The following PLXNA1 variants were observed in gnomAD, a reference collection of about 807,000 sequenced individuals.
The protein encoded by PLXNA1 is plexin A1, also known as plexin-A1.
In PLXNA1, 77 loss-of-function variants were observed where a neutral mutation model predicts 191.7. The observed-to-expected ratio is 0.40, with a 90% confidence interval of 0.33 to 0.49. The LOEUF (loss-of-function observed/expected upper bound fraction) is 0.49, where lower values mean the gene tolerates loss of function less well. Among genes scored for constraint, PLXNA1 ranks in the 20% least tolerant of loss-of-function variants. The probability of loss-of-function intolerance (pLI) is 0.63; values close to 1 mark genes in which losing one functional copy is unlikely to be tolerated. For synonymous variants in PLXNA1, 1,137 were observed against 1,156.4 expected (o/e 0.98, Z 0.34); for missense variants, 2,110 against 2,660.2 (o/e 0.79, Z 4.55).
intron 29 of PLXNA1, 21 bp from the exon 30 acceptor site, chr3:127,032,366 C>T (rs375824523): frequency 5.6e-5 from 90 of 1,610,376 alleles, no homozygotes; most frequent in Admixed American, 1.8e-4. Flanking sequence ...ATCTGAGCAG[C>T]GCCTGGACTC....
intron 17 of PLXNA1, 120 bp from the exon 18 acceptor site, chr3:127,017,305 G>GC (rs2079128577): frequency 7.1e-7 from 1 of 1,418,160 alleles, no homozygotes; most frequent in Non-Finnish European, 9.5e-7. Flanking sequence ...GACCAGCCCT[G>GC]CTAGTGCCTG....
chr3:127,016,962 G>T lies in PLXNA1; in HGVS notation c.3201G>T (p.Thr1067=), dbSNP rs144329892. The change falls in exon 17 of 32, where the codon ACG becomes ACT. Residue 1067 remains threonine, a synonymous_variant. Transcript: ENST00000393409. ...GTTCCAGCGGTGGGACCCTCCTGAC[G>T]GTCACAGGCACCAACCTGGCCACTG... ...WSINSGGTLL[T]VTGTNLATVR... The T allele has an allele frequency of 1.7e-5, 27 of 1,613,088 alleles. 1 individual carries two copies. In the Admixed American group the frequency reaches 1.8e-4, roughly 11 times the overall value.
Position 127,012,016 on chromosome 3 carries a change from C to A in PLXNA1, c.2171C>A (p.Pro724His). 5 of 1,613,726 alleles carry A rather than the reference C, an allele frequency of 3.1e-6. No individual in the cohort carries two copies. Among genetic ancestry groups the A allele is most frequent in the Non-Finnish European group, 4.2e-6 (5 of 1,180,034 alleles). The stretch of plus-strand genomic sequence containing the variant: ...TACGTGCCAGTGGGAGTGGTAAAAC[C>A]CATCACCCTGGCCGCACGGAACCTG... ...QIYVPVGVVK[P>H]ITLAARNLPQ... The change falls in exon 10 of 32, where the codon CCC becomes CAC. Residue 724 changes from proline (P) to histidine (H), a missense_variant. By Grantham distance (77) the Pro-to-His change is moderately conservative. Coordinates refer to ENST00000393409, the MANE Select transcript of PLXNA1 (RefSeq NM_032242.4).
chr3:127,008,649 C>A (rs2079080224), intron 9 of PLXNA1, among the ~76,000 whole-genome samples: 1 of 152,162 alleles, frequency 6.6e-6, no homozygotes, highest in Non-Finnish European at 1.5e-5. Flanking sequence ...CTTTCCTTTG[C>A]TGTGGACACT....
chr3:127,008,337 A>G (rs1159166392), intron 9 of PLXNA1, among the ~76,000 whole-genome samples: 1 of 152,116 alleles, frequency 6.6e-6, no homozygotes, highest in Non-Finnish European at 1.5e-5. Flanking sequence ...AGAGGCCTCC[A>G]TGTTGGGCAG....
intron 3 of PLXNA1, among the ~76,000 whole-genome samples, chr3:126,994,425 C>T (rs1469554223): frequency 3.3e-5 from 5 of 152,138 alleles, no homozygotes; most frequent in African/African-American, 1.2e-4. Context: ...CCCTAGTTAC[C>T]GTGGGACCTT....
chr3:127,014,699 G>C lies in PLXNA1; in HGVS notation c.2757-12G>C. ...GGGGCTCCTGCAGCCCCTGAGGCCC[G>C]CCTGCCCACAGGATCGTCTGTGAGA... On this transcript the variant is annotated splice_polypyrimidine_tract_variant and intron_variant, in intron 13 of 31. Transcript: ENST00000393409. 6.2e-7 allele frequency: 1 copy of C among 1,610,776 alleles called. No homozygotes were observed. Among genetic ancestry groups the C allele is most frequent in the South Asian group, 1.1e-5 (1 of 90,982 alleles).
intron 20 of PLXNA1, among the ~76,000 whole-genome samples, 197 bp downstream of exon 20, chr3:127,018,725 C>A (rs897107213): frequency 3.3e-5 from 5 of 152,226 alleles, no homozygotes; most frequent in Admixed American, 2.6e-4. Flanking sequence ...GCAGCAGGTA[C>A]CACCTCCTTG....
intron 3 of PLXNA1, among the ~76,000 whole-genome samples, chr3:126,994,398 G>T (rs992243185): frequency 5.3e-5 from 8 of 152,146 alleles, no homozygotes; most frequent in Non-Finnish European, 1.2e-4. Flanking sequence ...TGTTCCATCC[G>T]CTCTGCCTCC....
At position 127,028,438 on chromosome 3, in the gene PLXNA1, C is replaced by T. The variant is rs577924720; in HGVS notation, c.4669+98C>T. 327 of 1,348,222 alleles carry T rather than the reference C, an allele frequency of 2.4e-4. 3 individuals are homozygous for T. In the South Asian group the frequency reaches 4.4e-3, roughly 18 times the overall value. 83.5% of individuals were successfully genotyped at this position (1,348,222 alleles called of 1,614,324 possible). A position where few individuals can be genotyped will look rare whatever the true frequency, so the allele number is the denominator to read the frequency against. ...GCTTGGCGGGGAAGGCCAGGCCAGT[C>T]CTCCACACCAGGCTGGTCTGGAGGG... is the stretch of plus-strand genomic sequence containing the variant. On this transcript the variant is annotated intron_variant, in intron 25 of 31. Coordinates refer to ENST00000393409, the MANE Select transcript of PLXNA1 (RefSeq NM_032242.4).
Position 127,017,714 on chromosome 3 carries a change from C to T in PLXNA1, c.3517-35C>T, listed in dbSNP as rs2079131465. On this transcript the variant is annotated intron_variant, in intron 18 of 31. Coordinates refer to ENST00000393409, the MANE Select transcript of PLXNA1 (RefSeq NM_032242.4). ...GGGCCAAGCCAGGGAAGAGGCCCCT[C>T]GTCCTGGGCTCTGGCTCACCCCCAT... The T allele has an allele frequency of 3.7e-6, 6 of 1,613,124 alleles. No homozygotes were observed. The South Asian group carries it at 4.4e-5, about 12-fold the overall frequency.
In PLXNA1 at chr3:127,030,047, C is replaced by T. The variant is rs760086877; in HGVS notation, c.5044C>T (p.Arg1682Trp). The T allele has an allele frequency of 5.6e-6, 9 of 1,611,506 alleles. No homozygotes were observed. The highest frequency in any genetic ancestry group is 1.6e-4 in the Middle Eastern group (1 of 6,076). Residue 1682 changes from arginine (R) to tryptophan (W), a missense_variant, in exon 28 of 32, where the codon CGG becomes TGG. Coordinates refer to ENST00000393409, the MANE Select transcript of PLXNA1 (RefSeq NM_032242.4). ...SKMVSEIYLT[R>W]LLATKGTLQK... ...GATGGTCTCGGAGATCTACTTGACA[C>T]GGCTACTGGCCACCAAGGTGGGCCT... is the stretch of plus-strand genomic sequence containing the variant.
intron 23 of PLXNA1, among the ~76,000 whole-genome samples, chr3:127,025,198 C>T (rs1348029111): frequency 6.6e-6 from 1 of 152,192 alleles, no homozygotes; most frequent in East Asian, 1.9e-4. Flanking sequence ...GTGTCGCTGC[C>T]CTAAAAATCC....
At position 127,033,957 on chromosome 3, in the gene PLXNA1, G is replaced by A. The variant is rs148500933; in HGVS notation, c.5631G>A (p.Arg1877=). ...LAALEKDEQA[R]RQRLRSKLEQ... ...CCCTGGAGAAGGATGAGCAGGCGCG[G>A]CGGCAGCGGCTGCGGAGCAAGCTGG... Residue 1877 remains arginine, a synonymous_variant, in exon 32 of 32, where the codon CGG becomes CGA. Transcript: ENST00000393409. 162 of 1,606,078 alleles carry A rather than the reference G, an allele frequency of 1.0e-4. No individual in the cohort carries two copies. The African/African-American group carries it at 1.9e-3, about 19-fold the overall frequency.
intron 9 of PLXNA1, among the ~76,000 whole-genome samples, chr3:127,011,668 C>T (rs2079096218): frequency 6.6e-6 from 1 of 152,224 alleles, no homozygotes; most frequent in Admixed American, 6.5e-5. Flanking sequence ...TCTTCTGCCT[C>T]TGGGGCCTTT....
chr3:126,987,793 G>T (rs1382732444), intron 1 of PLXNA1, among the ~76,000 whole-genome samples: 1 of 152,124 alleles, frequency 6.6e-6, no homozygotes, highest in Non-Finnish European at 1.5e-5. Context: ...GTCGGCTGGG[G>T]TGGGGATGTG....
At chr3:127,022,677 G>A in intron 22 of PLXNA1, 75 bp from the exon 23 acceptor site, 1 of 1,362,992 alleles carries the variant, frequency 7.3e-7, no homozygotes, top group South Asian at 1.2e-5. Flanking sequence ...GGATCGGTGA[G>A]TGAGGCCTGC....
chr3:127,019,045 C>A (rs763320339), intron 20 of PLXNA1, among the ~76,000 whole-genome samples: 1 of 152,192 alleles, frequency 6.6e-6, no homozygotes, highest in Non-Finnish European at 1.5e-5. Context: ...TAGGGGGAGT[C>A]ATGCCACACC....
chr3:127,027,106 G>A (rs1376802266), intron 23 of PLXNA1: 1 of 169,206 alleles, frequency 5.9e-6, no homozygotes, highest in African/African-American at 2.4e-5. Context: ...GGGGGTACGT[G>A]TGCTGGGCGC....
Sources: gnomAD v4.1 joint callset for allele counts (sites outside exome capture counted in the v4.1 genomes callset) on GRCh38, gnomAD v4.1.1 for gene constraint, MANE v1.5 for transcripts, NCBI Gene and HGNC (gene_info 2026-07-23, HGNC 2026-07-21) for gene names.